Variants in CCDC149 observed in about 807,000 individuals in gnomAD.
The protein encoded by CCDC149 is coiled-coil domain-containing protein 149.
Under a neutral mutation model 59.9 loss-of-function variants are expected in CCDC149, and 45 were observed. That is an observed-to-expected ratio of 0.75 (90% CI 0.59 to 0.96). The LOEUF (loss-of-function observed/expected upper bound fraction) is 0.96. Among genes scored for constraint, CCDC149 ranks in the 40% least tolerant of loss-of-function variants. The pLI, the probability that CCDC149 is intolerant of heterozygous loss-of-function variation, is 0.00. For missense variants in CCDC149, 584 were observed against 664.7 expected (o/e 0.88, Z 1.33); for synonymous variants, 245 against 260.6 (o/e 0.94, Z 0.58).
chr4:24,934,484 A>G (rs1722678253), intron 1 of CCDC149, among the ~76,000 whole-genome samples: 1 of 152,200 alleles, frequency 6.6e-6, no homozygotes, highest in Non-Finnish European at 1.5e-5. Flanking sequence ...TAGCAACATG[A>G]AAACAGAATA....
chr4:24,935,897 C>T (rs1402030057), intron 1 of CCDC149, among the ~76,000 whole-genome samples: 1 of 152,030 alleles, frequency 6.6e-6, no homozygotes, highest in Admixed American at 6.6e-5. Context: ...CTAGAACTCT[C>T]AATTTTTAGA....
chr4:24,827,104 T>C (rs1020458753), intron 9 of CCDC149: 1 of 152,168 alleles, frequency 6.6e-6, no homozygotes, highest in African/African-American at 2.4e-5. Context: ...TGGTTTTAGA[T>C]AGTAATGACA....
intron 1 of CCDC149, among the ~76,000 whole-genome samples, chr4:24,886,513 C>A (rs1400420376): frequency 6.6e-6 from 1 of 152,204 alleles, no homozygotes; most frequent in Non-Finnish European, 1.5e-5. Context: ...AGTGGTAATA[C>A]CCTCCACTTG....
chr4:24,877,630 C>T (rs557198558), intron 1 of CCDC149, among the ~76,000 whole-genome samples: 1 of 152,222 alleles, frequency 6.6e-6, no homozygotes, highest in African/African-American at 2.4e-5. Context: ...GGCCCTGATG[C>T]GTTTAACTTT....
chr4:24,804,540 G>A (rs1439466376), downstream of CCDC149, among the ~76,000 whole-genome samples: 3 of 151,248 alleles, frequency 2.0e-5, no homozygotes, highest in African/African-American at 7.3e-5. Flanking sequence ...CCACAAGGCT[G>A]TGGGAAAACA....
At chr4:24,838,078 G>A (rs1204167864) in intron 5 of CCDC149, 78 bp downstream of exon 5, 1 of 1,126,328 alleles carries the variant, frequency 8.9e-7, no homozygotes, top group South Asian at 1.2e-5. Context: ...GAGAAACGAG[G>A]GGCACAGTCC....
chr4:24,813,492 A>ATATCTATATCTATATCTATC (rs1469334407), intron 12 of CCDC149, among the ~76,000 whole-genome samples: 542 of 6,440 alleles, frequency 0.084, 11 homozygotes, highest in Admixed American at 0.12. Context: ...CTTGGGGAAT[A>ATATCTATATCTATATCTATC]TATATATATA....
At chr4:24,904,587 T>C (rs554491458) in intron 1 of CCDC149, among the ~76,000 whole-genome samples, 1 of 152,336 alleles carries the variant, frequency 6.6e-6, no homozygotes, top group African/African-American at 2.4e-5. Flanking sequence ...TAAGTGTGTG[T>C]TTGACTTTAT....
At chr4:24,853,313 A>C in intron 3 of CCDC149, 134 bp from the exon 4 acceptor site, 1 of 684,748 alleles carries the variant, frequency 1.5e-6, no homozygotes, top group South Asian at 1.6e-5. Flanking sequence ...AAACACATAT[A>C]TGAATGCAGC....
chr4:24,843,393 G>A (rs1717058492), intron 4 of CCDC149, among the ~76,000 whole-genome samples: 2 of 152,134 alleles, frequency 1.3e-5, no homozygotes, highest in African/African-American at 2.4e-5. Context: ...ACTGTACTGG[G>A]CAACTCAAAA....
intron 1 of CCDC149, among the ~76,000 whole-genome samples, chr4:24,925,695 T>C (rs746294356): frequency 1.3e-5 from 2 of 152,164 alleles, no homozygotes; most frequent in Non-Finnish European, 2.9e-5. Context: ...ACAAACACTA[T>C]AGATTCTTAA....
chr4:24,963,317 T>C (rs1723699629), intron 1 of CCDC149, among the ~76,000 whole-genome samples: 1 of 152,080 alleles, frequency 6.6e-6, no homozygotes, highest in African/African-American at 2.4e-5. Context: ...CCAAAGTAGG[T>C]CGTTTTTCAA....
chr4:24,969,607 C>T (rs926643758), intron 1 of CCDC149, among the ~76,000 whole-genome samples: 7 of 152,200 alleles, frequency 4.6e-5, no homozygotes, highest in African/African-American at 1.7e-4. Flanking sequence ...CCTGGTGCTC[C>T]TAACCTTGAA....
At chr4:24,955,970 C>T (rs78869360) in intron 1 of CCDC149, among the ~76,000 whole-genome samples, 2,240 of 152,228 alleles carry the variant, frequency 0.015, 28 homozygotes, top group South Asian at 0.026. Flanking sequence ...TCCTACAACC[C>T]CAAATAGAGG....
intron 1 of CCDC149, among the ~76,000 whole-genome samples, chr4:24,960,923 G>C (rs1318633108): frequency 6.6e-6 from 1 of 152,138 alleles, no homozygotes; most frequent in Non-Finnish European, 1.5e-5. Context: ...TTTTAGACTA[G>C]AATTACCAAT....
intron 1 of CCDC149, among the ~76,000 whole-genome samples, chr4:24,885,768 C>T (rs1331986999): frequency 6.6e-6 from 1 of 152,156 alleles, no homozygotes; most frequent in Non-Finnish European, 1.5e-5. Flanking sequence ...AGAGTAGGGA[C>T]TGCTGACATT....
At chr4:24,809,341 T>C (rs1016975619) in intron 12 of CCDC149, among the ~76,000 whole-genome samples, 2 of 152,180 alleles carry the variant, frequency 1.3e-5, no homozygotes, top group Non-Finnish European at 2.9e-5. Context: ...ATCAAATAAA[T>C]TATATGCAAA....
intron 1 of CCDC149, among the ~76,000 whole-genome samples, chr4:24,956,844 G>A (rs1236610240): frequency 4.6e-5 from 7 of 152,216 alleles, no homozygotes; most frequent in Non-Finnish European, 1.0e-4. Context: ...ATTCACACTT[G>A]AGAAAGTGTA....
intron 9 of CCDC149, among the ~76,000 whole-genome samples, chr4:24,825,756 G>A (rs1009442282): frequency 6.7e-6 from 1 of 150,350 alleles, no homozygotes; most frequent in Non-Finnish European, 1.5e-5. Flanking sequence ...CTGGGCGACA[G>A]AGCAAGACTC....
Sources: gnomAD v4.1 joint callset for allele counts (sites outside exome capture counted in the v4.1 genomes callset) on GRCh38, gnomAD v4.1.1 for gene constraint, MANE v1.5 for transcripts, NCBI Gene and HGNC (gene_info 2026-07-23, HGNC 2026-07-21) for gene names.